Variants in BIN3 observed in about 807,000 individuals in gnomAD.
BIN3 encodes the protein bridging integrator 3.
A neutral mutation model predicts 38.2 loss-of-function variants in BIN3; 41 were observed. The ratio of observed to expected loss-of-function variants is 1.07; its 90% confidence interval spans 0.84 to 1.39. The LOEUF (loss-of-function observed/expected upper bound fraction) is 1.39, where lower values mean the gene tolerates loss of function less well. BIN3 is among the 40% of genes most tolerant of loss of function. BIN3 has a pLI of 0.00. For missense variants in BIN3, 361 were observed against 324.3 expected, an observed-to-expected ratio of 1.11 and a Z score of -0.87; for synonymous variants, 145 against 122.6, an observed-to-expected ratio of 1.18 and a Z score of -1.21.
At chr8:22,644,913 C>T in intron 1 of BIN3, 110 bp from the exon 2 acceptor site, 1 of 920,828 alleles carries the variant, frequency 1.1e-6, no homozygotes, top group Non-Finnish European at 1.7e-6. Context: ...GGAAGCGTGG[C>T]CATGGCTTGC....
At chr8:22,629,692 G>A in intron 6 of BIN3, 1 of 547,736 alleles carries the variant, frequency 1.8e-6, no homozygotes, top group Admixed American at 3.1e-5. Flanking sequence ...GCGGTCAAAT[G>A]ACCACCAGAA....
chr8:22,668,646 A>T (rs1289460176), intron 1 of BIN3, among the ~76,000 whole-genome samples: 2 of 152,236 alleles, frequency 1.3e-5, no homozygotes, highest in African/African-American at 4.8e-5. Context: ...CCAGGCTGCC[A>T]CAGCGAGGGC....
At chr8:22,659,959 C>T (rs1803179740) in intron 1 of BIN3, among the ~76,000 whole-genome samples, 1 of 152,116 alleles carries the variant, frequency 6.6e-6, no homozygotes, top group South Asian at 2.1e-4. Context: ...TAAGAAGTTA[C>T]AGAGATTAAG....
At position 22,630,354 on chromosome 8, in the gene BIN3, G is replaced by C. The variant is rs575526587; in HGVS notation, c.297+88C>G. 28 of 1,530,736 alleles carry C rather than the reference G, an allele frequency of 1.8e-5. No homozygotes were observed. In the South Asian group the frequency reaches 3.5e-4, roughly 19 times the overall value. The allele number at this position is 1,530,736 out of a possible 1,614,324, so 94.8% of individuals were successfully genotyped here. On this transcript the variant is annotated intron_variant, in intron 5 of 8. Transcript: ENST00000276416. ...GCTTAGAGCCCTGAGAGCAGAGGGAGCCCACTCGGGCCTCCCCGCACAGTC... is the reference window on the plus strand; with the variant it reads ...GCTTAGAGCCCTGAGAGCAGAGGGACCCCACTCGGGCCTCCCCGCACAGTC...
intron 1 of BIN3, among the ~76,000 whole-genome samples, chr8:22,646,643 T>C (rs963737242): frequency 5.3e-5 from 8 of 152,222 alleles, no homozygotes; most frequent in Non-Finnish European, 1.2e-4. Flanking sequence ...TCGCATCTTC[T>C]GTAAACAAAT....
At chr8:22,665,257 A>C (rs1803379256) in intron 1 of BIN3, among the ~76,000 whole-genome samples, 1 of 152,196 alleles carries the variant, frequency 6.6e-6, no homozygotes, top group African/African-American at 2.4e-5. Flanking sequence ...CATTTTAGGA[A>C]GTGGTTTGTA....
chr8:22,649,812 A>C (rs1203673082), intron 1 of BIN3, among the ~76,000 whole-genome samples: 3 of 89,160 alleles, frequency 3.4e-5, no homozygotes, highest in South Asian at 9.6e-4. Flanking sequence ...CGCAAAGGAC[A>C]ACACACACAC....
At chr8:22,640,308 C>T (rs6558175) in intron 2 of BIN3, among the ~76,000 whole-genome samples, 151,689 of 151,856 alleles carry the variant, frequency 1, 75,761 homozygotes, top group Middle Eastern at 1. Flanking sequence ...CTCCCACGTA[C>T]AGCTGGGACT....
chr8:22,635,752 C>G (rs752016545), intron 4 of BIN3, among the ~76,000 whole-genome samples: 6 of 152,162 alleles, frequency 3.9e-5, no homozygotes. Flanking sequence ...ATTGATCAAC[C>G]TTTGGTCAAG....
intron 8 of BIN3, chr8:22,622,828 A>T (rs537611634): frequency 4.6e-5 from 7 of 152,382 alleles, no homozygotes; most frequent in Admixed American, 6.5e-5. Flanking sequence ...TGTCAGGAGA[A>T]GTCCCTACCT....
chr8:22,625,715 A>G lies in BIN3; in HGVS notation c.339-1352T>C. The G allele has an allele frequency of 9.9e-6, 3 of 301,952 alleles. No homozygotes were observed. The South Asian group carries it at 1.5e-4, about 15-fold the overall frequency. 18.7% of individuals were successfully genotyped at this position (301,952 alleles called of 1,614,324 possible). On this transcript the variant is annotated intron_variant, in intron 6 of 8. Transcript: ENST00000276416. ...CAATTCTCATGCCTCAGCCTCCCGA[A>G]GAGCTAGGATTACAGACGTGTGCCA...
At chr8:22,640,065 T>C (rs572466680) in intron 2 of BIN3, among the ~76,000 whole-genome samples, 1 of 152,026 alleles carries the variant, frequency 6.6e-6, no homozygotes, top group Non-Finnish European at 1.5e-5. Context: ...TTTCTCCATG[T>C]TGGTCAGGCT....
chr8:22,645,846 G>A (rs1269377643), intron 1 of BIN3, among the ~76,000 whole-genome samples: 1 of 152,138 alleles, frequency 6.6e-6, no homozygotes, highest in African/African-American at 2.4e-5. Flanking sequence ...TGATTGGCCG[G>A]GCTGGATTAT....
intron 6 of BIN3, chr8:22,624,591 C>T (rs1801950490): frequency 1.8e-6 from 1 of 542,892 alleles, no homozygotes; most frequent in Middle Eastern, 4.8e-4. Flanking sequence ...GGCCCTGTCC[C>T]CTGGAGCTTG....
At chr8:22,634,619 G>C in intron 4 of BIN3, 2 of 441,058 alleles carry the variant, frequency 4.5e-6, no homozygotes, top group South Asian at 1.6e-5. Context: ...GGAGCACACT[G>C]GTCCTCAAGT....
chr8:22,620,804 T>C lies in BIN3; in HGVS notation c.*618A>G, dbSNP rs1801764791. 6.6e-6 allele frequency: 1 copy of C among 152,242 alleles called. No individual in the cohort carries two copies. Among genetic ancestry groups the C allele is most frequent in the Non-Finnish European group, 1.5e-5 (1 of 68,056 alleles). 9.4% of individuals were successfully genotyped at this position (152,242 alleles called of 1,614,324 possible). On this transcript the variant is annotated 3_prime_UTR_variant, in exon 9 of 9. Coordinates refer to ENST00000276416, the MANE Select transcript of BIN3 (RefSeq NM_018688.6). ...CTGTTCCTGCTTTGAGACCTGTGAA[T>C]TCTTGTGGGACAGTTCCACTGACAG... is the stretch of plus-strand genomic sequence containing the variant.
chr8:22,629,876 G>T, intron 6 of BIN3, 88 bp downstream of exon 6: 1 of 1,293,700 alleles, frequency 7.7e-7, no homozygotes, highest in Non-Finnish European at 1.1e-6. Context: ...CTGGGGACAC[G>T]CAGCTAGAAA....
intron 8 of BIN3, 130 bp from the exon 9 acceptor site, chr8:22,621,698 G>A: frequency 1.0e-6 from 1 of 956,826 alleles, no homozygotes; most frequent in Non-Finnish European, 1.6e-6. Context: ...CGTGCCTTTG[G>A]GGATATGCAG....
chr8:22,624,162 A>T, intron 7 of BIN3, 60 bp downstream of exon 7: 2 of 1,592,766 alleles, frequency 1.3e-6, no homozygotes, highest in South Asian at 2.3e-5. Context: ...GGAGGGACTT[A>T]CCACAGGTGA....
Sources: allele counts gnomAD v4.1 joint callset (sites outside exome capture counted in the v4.1 genomes callset), GRCh38; gene constraint gnomAD v4.1.1; transcripts MANE v1.5; gene names NCBI Gene and HGNC (gene_info 2026-07-23, HGNC 2026-07-21).